The following FAM13C variants were observed in gnomAD, a reference collection of about 807,000 sequenced individuals.
FAM13C encodes the protein protein FAM13C.
FAM13C carries 37 observed loss-of-function variants against 73.2 expected under a neutral mutation model. The observed-to-expected ratio is 0.51, with a 90% CI of 0.39 to 0.67. FAM13C has a LOEUF of 0.67. Ranked by LOEUF, FAM13C falls within the 30% of genes least tolerant of loss-of-function variation. The pLI is 0.00. For missense variants in FAM13C, 589 were observed against 715.6 expected, an observed-to-expected ratio of 0.82 and a Z score of 2.02; for synonymous variants, 246 against 260.9, an observed-to-expected ratio of 0.94 and a Z score of 0.55.
intron 6 of FAM13C, among the ~76,000 whole-genome samples, chr10:59,277,569 A>G (rs1425799538): frequency 6.6e-6 from 1 of 152,196 alleles, no homozygotes; most frequent in East Asian, 1.9e-4. Context: ...CAAAAGAGGC[A>G]CAGGGACCTA....
chr10:59,263,518 T>C (rs903254311), intron 9 of FAM13C, among the ~76,000 whole-genome samples: 1 of 152,194 alleles, frequency 6.6e-6, no homozygotes, highest in Non-Finnish European at 1.5e-5. Context: ...AGTTAGAGTG[T>C]GGAGAGAGGA....
intron 5 of FAM13C, among the ~76,000 whole-genome samples, chr10:59,302,074 T>G (rs1389057939): frequency 6.6e-6 from 1 of 152,214 alleles, no homozygotes; most frequent in Non-Finnish European, 1.5e-5. Flanking sequence ...TCAGGTCTTT[T>G]CATTCTCTTT....
chr10:59,349,719 C>T (rs1717241301), intron 3 of FAM13C, among the ~76,000 whole-genome samples: 2 of 152,132 alleles, frequency 1.3e-5, no homozygotes, highest in South Asian at 4.1e-4. Context: ...GCCATGATCA[C>T]ACCACTGTAC....
chr10:59,300,088 CAACA>C (rs1467776015), intron 5 of FAM13C, among the ~76,000 whole-genome samples: 1 of 152,084 alleles, frequency 6.6e-6, no homozygotes, highest in East Asian at 1.9e-4. Context: ...CACACAGAGA[CAACA>C]TACATGGATA....
chr10:59,261,962 C>T (rs1842546579), intron 10 of FAM13C, among the ~76,000 whole-genome samples: 1 of 152,092 alleles, frequency 6.6e-6, no homozygotes, highest in Non-Finnish European at 1.5e-5. Flanking sequence ...TGTATTTCAA[C>T]TTAACTCTCC....
chr10:59,247,584 G>A lies in FAM13C; in HGVS notation c.*30C>T. ...AAAATAAACTTTACTTTATATCATG[G>A]GTGAAAGTGATCATAACATTTCCTG... is the stretch of plus-strand genomic sequence containing the variant. On this transcript the variant is annotated 3_prime_UTR_variant, in exon 14 of 14. Coordinates refer to ENST00000618804, the MANE Select transcript of FAM13C (RefSeq NM_198215.4). 8 of 1,612,356 alleles carry A rather than the reference G, an allele frequency of 5.0e-6. No homozygotes were observed. The South Asian group carries it at 5.5e-5, about 11-fold the overall frequency.
intron 6 of FAM13C, among the ~76,000 whole-genome samples, chr10:59,278,314 T>C (rs1844550896): frequency 6.6e-6 from 1 of 152,028 alleles, no homozygotes; most frequent in Non-Finnish European, 1.5e-5. Context: ...CATCTGGGGG[T>C]GATAATGAAA....
chr10:59,252,681 G>A, intron 12 of FAM13C, 118 bp downstream of exon 12: 1 of 906,270 alleles, frequency 1.1e-6, no homozygotes, highest in Non-Finnish European at 1.7e-6. Flanking sequence ...TAAAGGCCCT[G>A]AGAACTGTTG....
intron 4 of FAM13C, among the ~76,000 whole-genome samples, chr10:59,305,022 C>T (rs568314661): frequency 6.6e-6 from 1 of 152,284 alleles, no homozygotes; most frequent in South Asian, 2.1e-4. Context: ...ACACCAGGTG[C>T]AGCCACCCAA....
Position 59,247,746 on chromosome 10 carries a change from C to G in FAM13C, c.1635-9G>C. The G allele has an allele frequency of 1.2e-6, 2 of 1,604,848 alleles. No individual in the cohort carries two copies. The highest frequency in any genetic ancestry group is 1.7e-6 in the Non-Finnish European group (2 of 1,176,126). ...CTTCCTTTTGTGGACTTCTGCAAAA[C>G]AAAAATACATTTGTTAGTTCACAAT... is the stretch of plus-strand genomic sequence containing the variant. On this transcript the variant is annotated splice_polypyrimidine_tract_variant and intron_variant, in intron 13 of 13. Coordinates refer to ENST00000618804, the MANE Select transcript of FAM13C (RefSeq NM_198215.4).
intron 3 of FAM13C, among the ~76,000 whole-genome samples, chr10:59,335,979 A>G (rs1852673052): frequency 6.6e-6 from 1 of 152,254 alleles, no homozygotes; most frequent in Non-Finnish European, 1.5e-5. Context: ...TTAATAAACT[A>G]CAGCATGCTC....
At chr10:59,359,875 A>G (rs781224694) in intron 1 of FAM13C, among the ~76,000 whole-genome samples, 2 of 152,254 alleles carry the variant, frequency 1.3e-5, no homozygotes, top group African/African-American at 2.4e-5. Context: ...TTGAATGATA[A>G]CTAATCAGAA....
chr10:59,279,408 A>G (rs1844681090), intron 6 of FAM13C, among the ~76,000 whole-genome samples: 1 of 152,226 alleles, frequency 6.6e-6, no homozygotes, highest in African/African-American at 2.4e-5. Context: ...TAGACTCTAA[A>G]TAGACATACT....
intron 5 of FAM13C, among the ~76,000 whole-genome samples, chr10:59,288,237 A>C (rs1286995678): frequency 1.3e-5 from 2 of 152,200 alleles, no homozygotes; most frequent in African/African-American, 4.8e-5. Context: ...TATGCCTATA[A>C]TCCCAGCACT....
chr10:59,256,867 T>C (rs184191407), intron 10 of FAM13C, among the ~76,000 whole-genome samples: 12 of 152,300 alleles, frequency 7.9e-5, no homozygotes, highest in South Asian at 4.1e-4. Context: ...ATCAGATAAT[T>C]TTCTCTTCTG....
At position 59,265,333 on chromosome 10, in the gene FAM13C, G is replaced by GT. The variant is rs1375857639; in HGVS notation, c.943-1168_943-1167insA. Among the ~76,000 whole-genome samples, 8 of 60,336 alleles carry GT rather than the reference G, an allele frequency of 1.3e-4. 2 individuals carry two copies. Among genetic ancestry groups the GT allele is most frequent in the East Asian group, 5.3e-4 (1 of 1,900 alleles). 39.6% of individuals were successfully genotyped at this position (60,336 alleles called of 152,430 possible). A position where few individuals can be genotyped will look rare whatever the true frequency, so the allele number is the denominator to read the frequency against. On this transcript the variant is annotated intron_variant, in intron 8 of 13. Coordinates refer to ENST00000618804, the MANE Select transcript of FAM13C (RefSeq NM_198215.4). Reference sequence around the variant, plus strand: ...GGAAGGGGTTTTGGCGGGGGGGGGGGGGAATCCTGGTTTCAGGACCATGGA... The same window carrying GT: ...GGAAGGGGTTTTGGCGGGGGGGGGGGTGGAATCCTGGTTTCAGGACCATGGA...
Position 59,304,808 on chromosome 10 carries a change from G to GGGAAA in FAM13C, c.444-1945_444-1944insTTTCC, listed in dbSNP as rs1204023049. 1.1e-4 allele frequency among the ~76,000 whole-genome samples: 11 copies of GGGAAA among 98,672 alleles called. 1 individual carries two copies. Among genetic ancestry groups the GGGAAA allele is most frequent in the African/African-American group, 3.2e-4 (9 of 28,528 alleles). 64.7% of individuals were successfully genotyped at this position (98,672 alleles called of 152,430 possible). ...GGGAAGGGAAGGGAAGGGAAGGGAAGGGAAGGAAAGGGGAAGGGGAGGGGG... is the reference window on the plus strand; with the variant it reads ...GGGAAGGGAAGGGAAGGGAAGGGAAGGGAAAGGAAGGAAAGGGGAAGGGGAGGGGG... On this transcript the variant is annotated intron_variant, in intron 4 of 13. Transcript: ENST00000618804.
intron 4 of FAM13C, among the ~76,000 whole-genome samples, chr10:59,317,978 T>A (rs1849748542): frequency 6.7e-6 from 1 of 149,622 alleles, no homozygotes. Context: ...GCCCAATGCA[T>A]CCAGAAGCCC....
chr10:59,318,438 G>A (rs1259302086), intron 4 of FAM13C, among the ~76,000 whole-genome samples: 2 of 152,150 alleles, frequency 1.3e-5, no homozygotes, highest in East Asian at 3.9e-4. Flanking sequence ...TTTAGCTATA[G>A]CCTTCCCATG....
Sources: allele counts gnomAD v4.1 joint callset (sites outside exome capture counted in the v4.1 genomes callset), GRCh38; gene constraint gnomAD v4.1.1; transcripts MANE v1.5; gene names NCBI Gene and HGNC (gene_info 2026-07-23, HGNC 2026-07-21).